The following SYNDIG1 variants were observed in gnomAD, a reference collection of about 807,000 sequenced individuals.
SYNDIG1 encodes synapse differentiation-inducing gene protein 1.
A neutral mutation model predicts 19.4 loss-of-function variants in SYNDIG1; 9 were observed. The observed-to-expected ratio is 0.46, with a 90% CI of 0.28 to 0.81. SYNDIG1 has a LOEUF of 0.81. Among genes scored for constraint, SYNDIG1 ranks in the 30% least tolerant of loss-of-function variants. SYNDIG1 has a pLI of 0.12. For synonymous variants in SYNDIG1, 141 were observed against 145.9 expected (o/e 0.97, Z 0.24); for missense variants, 311 against 343.3 (o/e 0.91, Z 0.74).
At chr20:24,590,421 T>G (rs1160089402) in intron 3 of SYNDIG1, among the ~76,000 whole-genome samples, 1 of 148,686 alleles carries the variant, frequency 6.7e-6, no homozygotes, top group Non-Finnish European at 1.5e-5. Flanking sequence ...GCCTCGGGGG[T>G]TTGAGCGGAG....
At chr20:24,630,282 G>C (rs748414167) in intron 3 of SYNDIG1, among the ~76,000 whole-genome samples, 6 of 152,138 alleles carry the variant, frequency 3.9e-5, no homozygotes, top group African/African-American at 1.2e-4. Flanking sequence ...TGAGACCCCT[G>C]GGGATTGACC....
rs140771857 is a variant in SYNDIG1 at position 24,508,896 on chromosome 20, C to T, written c.-78-34124C>T. Among the ~76,000 whole-genome samples, 64 of 152,296 alleles carry T rather than the reference C, an allele frequency of 4.2e-4. No individual in the cohort carries two copies. The East Asian group carries it at 0.012, about 28-fold the overall frequency. ...GCTGAAGATGAAATCGAGGATGTTACTACCAGGTCAACAAGAAATAAAAAC... is the reference window on the plus strand; with the variant it reads ...GCTGAAGATGAAATCGAGGATGTTATTACCAGGTCAACAAGAAATAAAAAC... On this transcript the variant is annotated intron_variant, in intron 1 of 3. Transcript: ENST00000376862.
At chr20:24,536,795 G>A (rs903765152) in intron 1 of SYNDIG1, among the ~76,000 whole-genome samples, 1 of 152,150 alleles carries the variant, frequency 6.6e-6, no homozygotes, top group African/African-American at 2.4e-5. Context: ...GCTGTGGGAT[G>A]AGGCTACACA....
intron 1 of SYNDIG1, among the ~76,000 whole-genome samples, chr20:24,524,369 G>T (rs919683261): frequency 6.6e-6 from 1 of 152,158 alleles, no homozygotes; most frequent in East Asian, 1.9e-4. Context: ...TTGTTGGCCG[G>T]CCAGGGTGGC....
At chr20:24,645,456 CTGTG>C (rs1568713128) in intron 3 of SYNDIG1, among the ~76,000 whole-genome samples, 2 of 152,218 alleles carry the variant, frequency 1.3e-5, no homozygotes, top group Admixed American at 6.5e-5. Context: ...GGTGCCACAG[CTGTG>C]GCTGTGGCTC....
At chr20:24,521,816 C>T (rs1369432402) in intron 1 of SYNDIG1, among the ~76,000 whole-genome samples, 1 of 150,722 alleles carries the variant, frequency 6.6e-6, no homozygotes, top group Non-Finnish European at 1.5e-5. Context: ...AGGAGAATCG[C>T]TTGAACCCAG....
Position 24,665,467 on chromosome 20 carries a change from C to T in SYNDIG1, c.740C>T (p.Ala247Val), listed in dbSNP as rs1277162790. The T allele has an allele frequency of 6.2e-6, 10 of 1,613,998 alleles. No homozygotes were observed. Among genetic ancestry groups the T allele is most frequent in the South Asian group, 1.1e-5 (1 of 91,054 alleles). ...GGCGTCTATGTGGGCGTGGCCGTGG[C>T]CCTCATCGCCTACCTCTCCAAGAAC... The part of the protein sequence containing the change: ...GTGVYVGVAV[A>V]LIAYLSKNNH... The change falls in exon 4 of 4, where the codon GCC becomes GTC. Residue 247 changes from alanine to valine, a missense_variant. Ala to Val is a moderately conservative substitution (Grantham distance 64, BLOSUM62 0). Coordinates refer to ENST00000376862, the MANE Select transcript of SYNDIG1 (RefSeq NM_024893.3).
intron 1 of SYNDIG1, among the ~76,000 whole-genome samples, chr20:24,479,231 T>C (rs1025450456): frequency 6.6e-6 from 1 of 151,794 alleles, no homozygotes; most frequent in African/African-American, 2.4e-5. Flanking sequence ...CCCTGGAGAG[T>C]GACTTGGGAG....
At chr20:24,479,581 T>G (rs1213462254) in intron 1 of SYNDIG1, among the ~76,000 whole-genome samples, 5 of 152,174 alleles carry the variant, frequency 3.3e-5, no homozygotes, top group Non-Finnish European at 7.3e-5. Flanking sequence ...AGAAACTCCC[T>G]AGCCCCTGTG....
In SYNDIG1 at chr20:24,666,286, G is replaced by C. The variant is rs558512122; in HGVS notation, c.*782G>C. On this transcript the variant is annotated 3_prime_UTR_variant, in exon 4 of 4. Coordinates refer to ENST00000376862, the MANE Select transcript of SYNDIG1 (RefSeq NM_024893.3). The stretch of plus-strand genomic sequence containing the variant: ...AGCCCCGCGGTTGCTCCGGAAACTC[G>C]AGGCACTGCAGCTATGGGCACTGCC... 6.6e-6 allele frequency: 1 copy of C among 152,626 alleles called. No individual in the cohort carries two copies. Among genetic ancestry groups the C allele is most frequent in the Non-Finnish European group, 1.5e-5 (1 of 68,060 alleles). 9.5% of individuals were successfully genotyped at this position (152,626 alleles called of 1,614,324 possible). A position where few individuals can be genotyped will look rare whatever the true frequency, so the allele number is the denominator to read the frequency against.
At chr20:24,491,391 C>T (rs1376757548) in intron 1 of SYNDIG1, 1 of 152,264 alleles carries the variant, frequency 6.6e-6, no homozygotes, top group Non-Finnish European at 1.5e-5. Context: ...ATTCACTTGC[C>T]GTAGGTTGAC....
At chr20:24,498,281 T>C (rs1443946756) in intron 1 of SYNDIG1, among the ~76,000 whole-genome samples, 1 of 152,200 alleles carries the variant, frequency 6.6e-6, no homozygotes, top group Non-Finnish European at 1.5e-5. Flanking sequence ...ACCCCATTTA[T>C]TTATTATTAT....
chr20:24,476,166 T>G (rs562428024), intron 1 of SYNDIG1, among the ~76,000 whole-genome samples: 41 of 152,232 alleles, frequency 2.7e-4, no homozygotes, highest in African/African-American at 9.1e-4. Context: ...CAGCCTAATG[T>G]GCATAGTATC....
intron 3 of SYNDIG1, among the ~76,000 whole-genome samples, chr20:24,586,968 A>T (rs899363990): frequency 2.0e-5 from 3 of 152,244 alleles, no homozygotes; most frequent in African/African-American, 7.2e-5. Flanking sequence ...ACAACTGCAG[A>T]GACTGTGTCT....
intron 3 of SYNDIG1, among the ~76,000 whole-genome samples, chr20:24,592,146 A>G (rs1452130688): frequency 1.3e-5 from 2 of 152,202 alleles, no homozygotes; most frequent in African/African-American, 4.8e-5. Flanking sequence ...GTAGCAGAGT[A>G]GAAGTATAAG....
Position 24,665,452 on chromosome 20 carries a change from T to C in SYNDIG1, c.725T>C (p.Val242Ala), listed in dbSNP as rs2059639615. The change falls in exon 4 of 4, where the codon GTG (valine) becomes GCG (alanine). Residue 242 changes from valine (V) to alanine (A), a missense_variant. Val to Ala is a moderately conservative substitution (Grantham distance 64). Transcript: ENST00000376862. ...ATCACCATTGGGACTGGCGTCTATG[T>C]GGGCGTGGCCGTGGCCCTCATCGCC... Reference protein sequence around the residue: ...LSITIGTGVYVGVAVALIAYL... With the variant: ...LSITIGTGVYAGVAVALIAYL... 6.2e-7 allele frequency: 1 copy of C among 1,613,980 alleles called. No individual in the cohort carries two copies. The highest frequency in any genetic ancestry group is 8.5e-7 in the Non-Finnish European group (1 of 1,179,972).
chr20:24,477,970 A>G (rs1299118900), intron 1 of SYNDIG1, among the ~76,000 whole-genome samples: 1 of 152,138 alleles, frequency 6.6e-6, no homozygotes, highest in Non-Finnish European at 1.5e-5. Flanking sequence ...CGACCTCAGG[A>G]TTTGGCTCTG....
intron 3 of SYNDIG1, among the ~76,000 whole-genome samples, chr20:24,626,052 C>T (rs1600778767): frequency 6.7e-6 from 1 of 148,884 alleles, no homozygotes; most frequent in South Asian, 2.1e-4. Flanking sequence ...CTGACTCCCC[C>T]ACCTCCCTCC....
chr20:24,627,150 GGAGAGC>G (rs59038259), intron 3 of SYNDIG1, among the ~76,000 whole-genome samples: 2,386 of 136,482 alleles, frequency 0.017, 46 homozygotes, highest in African/African-American at 0.051. Flanking sequence ...AGAGGGAGAG[GGAGAGC>G]GAGAGCGAGA....
Sources: allele counts gnomAD v4.1 joint callset (sites outside exome capture counted in the v4.1 genomes callset), GRCh38; gene constraint gnomAD v4.1.1; transcripts MANE v1.5; gene names NCBI Gene and HGNC (gene_info 2026-07-23, HGNC 2026-07-21).